Variants in SNURF observed in about 807,000 individuals in gnomAD.
SNURF encodes SNRPN upstream open reading frame, also known as SNURF protein.
Under a neutral mutation model 11.6 loss-of-function variants are expected in SNURF, and 6 were observed. The observed-to-expected ratio is 0.52, with a 90% CI of 0.28 to 1.02. The LOEUF (loss-of-function observed/expected upper bound fraction) is 1.02. Among genes scored for constraint, SNURF ranks in the 50% least tolerant of loss-of-function variants. The pLI is 0.09. For missense variants in SNURF, 84 were observed against 88.4 expected, an observed-to-expected ratio of 0.95 and a Z score of 0.20; for synonymous variants, 29 against 31.6, an observed-to-expected ratio of 0.92 and a Z score of 0.27.
At chr15:24,964,257 C>T (rs973341760) in intron 2 of SNURF, among the ~76,000 whole-genome samples, 3 of 151,670 alleles carry the variant, frequency 2.0e-5, no homozygotes, top group Non-Finnish European at 4.4e-5. Flanking sequence ...TATAATTTGT[C>T]CTTTATATAT....
chr15:24,975,323 C>G, intron 3 of SNURF: 1 of 1,587,024 alleles, frequency 6.3e-7, no homozygotes. Context: ...AGGGTGTTGG[C>G]AAGCTGAACA....
intron 2 of SNURF, among the ~76,000 whole-genome samples, chr15:24,966,123 C>T (rs2153551776): frequency 6.6e-6 from 1 of 152,190 alleles, no homozygotes; most frequent in East Asian, 1.9e-4. Flanking sequence ...AGAACATTCC[C>T]CTCAATGCAG....
chr15:24,955,206 C>T (rs926116276), intron 1 of SNURF, 144 bp downstream of exon 1: 7 of 1,160,750 alleles, frequency 6.0e-6, no homozygotes, highest in South Asian at 4.0e-5. Flanking sequence ...GAACCAGATC[C>T]GGAATGTTCA....
chr15:24,971,746 G>A (rs967311811), downstream of SNURF, among the ~76,000 whole-genome samples: 12 of 152,122 alleles, frequency 7.9e-5, no homozygotes, highest in African/African-American at 2.7e-4. Context: ...GTTAAAAACG[G>A]CTTTAGTGAT....
intron 1 of SNURF, among the ~76,000 whole-genome samples, chr15:24,958,439 C>G (rs942051606): frequency 2.0e-4 from 26 of 130,226 alleles, no homozygotes; most frequent in Admixed American, 4.9e-4. Flanking sequence ...AGAATTGTTA[C>G]TACTTAAGGT....
intron 1 of SNURF, among the ~76,000 whole-genome samples, chr15:24,956,741 C>T (rs1042238366): frequency 6.6e-6 from 1 of 152,198 alleles, no homozygotes; most frequent in African/African-American, 2.4e-5. Flanking sequence ...CTCCGCCTAG[C>T]AAGCTTGGCA....
In SNURF at chr15:24,955,070, G is replaced by A. The variant is rs1417582005; in HGVS notation, c.14+8G>A. On this transcript the variant is annotated splice_region_variant and intron_variant, in intron 1 of 2. Transcript: ENST00000577949. ...CGCGATGGAGCGGGCAAGGTCAGCT[G>A]TGCCGGTGGCTTCTCTCAAGAGACA... The A allele has an allele frequency of 1.9e-6, 3 of 1,613,542 alleles. No homozygotes were observed. The highest frequency in any genetic ancestry group is 2.5e-6 in the Non-Finnish European group (3 of 1,180,016).
At chr15:24,955,770 G>GGCGGTGGGCATTGGCA (rs1460979977) in intron 1 of SNURF, among the ~76,000 whole-genome samples, 1 of 150,472 alleles carries the variant, frequency 6.6e-6, no homozygotes, top group Non-Finnish European at 1.5e-5. Flanking sequence ...GGGTATTGGC[G>GGCGGTGGGCATTGGCA]GCGGTGGGCA....
At chr15:24,955,473 G>T (rs2062688358) in intron 1 of SNURF, among the ~76,000 whole-genome samples, 1 of 151,704 alleles carries the variant, frequency 6.6e-6, no homozygotes, top group Admixed American at 6.6e-5. Flanking sequence ...GATTTTAGGC[G>T]GAGGTAGGTA....
chr15:24,978,318 G>A, downstream of SNURF: 1 of 1,614,118 alleles, frequency 6.2e-7, no homozygotes, highest in African/African-American at 1.3e-5. Context: ...AGGCATTAGA[G>A]GTGAGTGGGA....
At chr15:24,971,020 T>C (rs1335324323), downstream of SNURF, among the ~76,000 whole-genome samples, 1 of 152,146 alleles carries the variant, frequency 6.6e-6, no homozygotes, top group Non-Finnish European at 1.5e-5. Flanking sequence ...TCTCATTTGC[T>C]ATGTGTGCCT....
At chr15:24,974,810 C>T (rs971757816) in intron 3 of SNURF, 12 of 651,188 alleles carry the variant, frequency 1.8e-5, no homozygotes, top group Admixed American at 4.6e-5. Flanking sequence ...CCACCCACCT[C>T]GGCCTCCCAA....
intron 1 of SNURF, among the ~76,000 whole-genome samples, chr15:24,956,356 G>C (rs974597735): frequency 1.3e-5 from 2 of 149,642 alleles, no homozygotes; most frequent in African/African-American, 5.0e-5. Flanking sequence ...CGCTTCAGCG[G>C]GGGGGTGGCC....
chr15:24,968,382 G>T, exon 3 of SNURF: 1 of 191,498 alleles, frequency 5.2e-6, no homozygotes, highest in Non-Finnish European at 1.1e-5. Flanking sequence ...GTTACTGAAT[G>T]TTTATAATTT....
chr15:24,977,891 C>T (rs35757423), downstream of SNURF: 601 of 1,580,206 alleles, frequency 3.8e-4, 2 homozygotes, highest in African/African-American at 7.1e-3. Context: ...CGCCCCCACC[C>T]GTCGGCAGAG....
chr15:24,978,320 T>C (rs1396752450), downstream of SNURF: 1 of 1,614,012 alleles, frequency 6.2e-7, no homozygotes, highest in East Asian at 2.2e-5. Flanking sequence ...GCATTAGAGG[T>C]GAGTGGGAGC....
intron 2 of SNURF, among the ~76,000 whole-genome samples, 160 bp downstream of exon 2, chr15:24,962,369 T>G (rs543838201): frequency 6.6e-6 from 1 of 152,342 alleles, no homozygotes; most frequent in East Asian, 1.9e-4. Flanking sequence ...CTTAACCATA[T>G]TATCCTAAAA....
intron 1 of SNURF, 41 bp downstream of exon 1, chr15:24,955,103 G>T (rs750840899): frequency 1.9e-6 from 3 of 1,613,198 alleles, no homozygotes; most frequent in Admixed American, 3.3e-5. Context: ...ACAGCCTGGG[G>T]AGCGGCCACT....
chr15:24,973,579 T>C (rs1263683180), downstream of SNURF, among the ~76,000 whole-genome samples: 1 of 151,640 alleles, frequency 6.6e-6, no homozygotes, highest in Admixed American at 6.6e-5. Flanking sequence ...TTTGTATTTC[T>C]AGCAGAGACG....
Sources: gnomAD v4.1 joint callset for allele counts (sites outside exome capture counted in the v4.1 genomes callset) on GRCh38, gnomAD v4.1.1 for gene constraint, MANE v1.5 for transcripts, NCBI Gene and HGNC (gene_info 2026-07-23, HGNC 2026-07-21) for gene names.